The following KDM8 variants were observed in gnomAD, a reference collection of about 807,000 sequenced individuals.
The protein encoded by KDM8 is lysine demethylase 8.
Under a neutral mutation model 46.9 loss-of-function variants are expected in KDM8, and 35 were observed. The observed-to-expected ratio is 0.75, with a 90% confidence interval of 0.57 to 0.99. The LOEUF (loss-of-function observed/expected upper bound fraction) is 0.99, where lower values mean the gene tolerates loss of function less well. Ranked by LOEUF, KDM8 falls within the 50% of genes least tolerant of loss-of-function variation. The pLI is 0.00. For synonymous variants in KDM8, 232 were observed against 227.7 expected (o/e 1.02, Z -0.17); for missense variants, 475 against 537.0 (o/e 0.88, Z 1.14).
intron 2 of KDM8, chr16:27,211,303 C>A: frequency 2.4e-6 from 1 of 417,704 alleles, no homozygotes; most frequent in Non-Finnish European, 4.7e-6. Flanking sequence ...GAGGCGATAC[C>A]TCCAGCTGCT....
rs773588263 is a variant in KDM8 at position 27,215,984 on chromosome 16, G to A, written c.838G>A (p.Asp280Asn). The change falls in exon 5 of 8, where the codon GAC becomes AAC. Residue 280 changes from aspartate to asparagine, a missense_variant. Transcript: ENST00000286096. The stretch of plus-strand genomic sequence containing the variant: ...GTACCTTGCTCAGCACCAGCTCTTT[G>A]ACCAGGTAAGTCTGAGGCCACGCAC... Reference protein sequence around the residue: ...VGYLAQHQLFDQIPELKQDIS... With the variant: ...VGYLAQHQLFNQIPELKQDIS... 1 of 1,614,178 alleles carries A rather than the reference G, an allele frequency of 6.2e-7. No individual in the cohort carries two copies.
At chr16:27,206,473 T>C (rs921178757) in intron 1 of KDM8, among the ~76,000 whole-genome samples, 4 of 152,216 alleles carry the variant, frequency 2.6e-5, no homozygotes, top group African/African-American at 7.2e-5. Flanking sequence ...GTTTTCACCA[T>C]GTTGGCCAGG....
chr16:27,213,635 A>C lies in KDM8; in HGVS notation c.549A>C (p.Thr183=), dbSNP rs748164312. 3 of 1,614,196 alleles carry C rather than the reference A, an allele frequency of 1.9e-6. No individual in the cohort carries two copies. The East Asian group carries it at 6.7e-5, about 36-fold the overall frequency. ...GLIPDVKLEK[T]VPRLHRPSLQ... ...TTCCAGATGTGAAGTTAGAAAAAACAGTCCCCCGGCTGCACCGTCCGTCCC... is the reference window on the plus strand; with the variant it reads ...TTCCAGATGTGAAGTTAGAAAAAACCGTCCCCCGGCTGCACCGTCCGTCCC... The change falls in exon 3 of 8, where the codon ACA becomes ACC. Residue 183 remains threonine, a synonymous_variant. Coordinates refer to ENST00000286096, the MANE Select transcript of KDM8 (RefSeq NM_024773.3).
At chr16:27,205,013 G>A (rs1005435216) in intron 1 of KDM8, among the ~76,000 whole-genome samples, 3 of 152,128 alleles carry the variant, frequency 2.0e-5, no homozygotes, top group Non-Finnish European at 4.4e-5. Context: ...GTGACAGAGC[G>A]AGACTCCGTC....
chr16:27,213,473 G>T (rs1259226093), intron 2 of KDM8, 112 bp from the exon 3 acceptor site: 1 of 1,014,942 alleles, frequency 9.9e-7, no homozygotes. Context: ...TGTTGTTACT[G>T]GTACTCTTGA....
chr16:27,204,074 C>T, intron 1 of KDM8: 8 of 1,546,882 alleles, frequency 5.2e-6, no homozygotes, highest in Non-Finnish European at 6.1e-6. Context: ...GGAAACGATT[C>T]CGCCGTCAGG....
rs778687043 is a variant in KDM8 at position 27,220,470 on chromosome 16, C to G, written c.1071C>G (p.Leu357=). 3 of 1,614,112 alleles carry G rather than the reference C, an allele frequency of 1.9e-6. No homozygotes were observed. The highest frequency in any genetic ancestry group is 1.7e-5 in the Admixed American group (1 of 60,020). The change falls in exon 7 of 8, where the codon CTC becomes CTG. Residue 357 remains leucine (L), a synonymous_variant. Coordinates refer to ENST00000286096, the MANE Select transcript of KDM8 (RefSeq NM_024773.3). ...TGTACCCTCATGACACGCACCTTCT[C>G]CATAACACGAGCCAGGTGGGCACTG... ...GALYPHDTHL[L]HNTSQVDVEN...
intron 1 of KDM8, among the ~76,000 whole-genome samples, chr16:27,205,098 C>T (rs2083414976): frequency 6.6e-6 from 1 of 152,086 alleles, no homozygotes; most frequent in Non-Finnish European, 1.5e-5. Context: ...GGATATATCC[C>T]ATAACCTACC....
At chr16:27,212,503 G>T (rs2083496357) in intron 2 of KDM8, among the ~76,000 whole-genome samples, 1 of 152,214 alleles carries the variant, frequency 6.6e-6, no homozygotes, top group African/African-American at 2.4e-5. Flanking sequence ...GGAGGCTGAG[G>T]CCGGCAGATC....
intron 1 of KDM8, among the ~76,000 whole-genome samples, chr16:27,208,481 A>G (rs2083448084): frequency 6.6e-6 from 1 of 152,176 alleles, no homozygotes; most frequent in Non-Finnish European, 1.5e-5. Context: ...GCTGTTTTCT[A>G]AGGCCATCAA....
intron 5 of KDM8, among the ~76,000 whole-genome samples, chr16:27,217,603 A>C (rs1286766097): frequency 1.3e-5 from 2 of 152,214 alleles, no homozygotes; most frequent in African/African-American, 4.8e-5. Context: ...GATTTGAGAC[A>C]GGTTCTTAAA....
chr16:27,214,232 A>C (rs530542700), intron 3 of KDM8: 185 of 156,118 alleles, frequency 1.2e-3, no homozygotes, highest in Middle Eastern at 3.4e-3. Flanking sequence ...GTTTGGAAAT[A>C]AGGAGGCATC....
rs1013909928 is a variant in KDM8 at position 27,204,482 on chromosome 16, T to C, written c.-32+846T>C. On this transcript the variant is annotated intron_variant, in intron 1 of 7. Transcript: ENST00000286096. ...TTACGAAGCTCTTGTTTTTGCACAATTTTTGTGGAATACTGCCATAATAAC... is the reference window on the plus strand; with the variant it reads ...TTACGAAGCTCTTGTTTTTGCACAACTTTTGTGGAATACTGCCATAATAAC... The C allele has an allele frequency of 3.1e-5, 17 of 553,366 alleles. No individual in the cohort carries two copies. In the African/African-American group the frequency reaches 3.1e-4, roughly 10 times the overall value. 34.3% of individuals were successfully genotyped at this position (553,366 alleles called of 1,614,324 possible).
Position 27,218,453 on chromosome 16 carries a change from C to A in KDM8, c.844-508C>A, listed in dbSNP as rs565237041. On this transcript the variant is annotated intron_variant, in intron 5 of 7. Transcript: ENST00000286096. ...CTCAGAGCACAGACCCAGGCCCACA[C>A]CTGCCTTTCTCGTCAGGCAGTTTCT... Among the ~76,000 whole-genome samples the A allele has an allele frequency of 2.0e-5, 3 of 152,306 alleles. No homozygotes were observed. The South Asian group carries it at 6.2e-4, about 32-fold the overall frequency.
intron 1 of KDM8, 37 bp from the exon 2 acceptor site, chr16:27,210,056 C>A: frequency 6.4e-7 from 1 of 1,557,542 alleles, no homozygotes; most frequent in South Asian, 1.2e-5. Context: ...TCAGGTCTGT[C>A]CTGGTGTCTA....
At chr16:27,207,744 C>T (rs1484228048) in intron 1 of KDM8, among the ~76,000 whole-genome samples, 1 of 152,164 alleles carries the variant, frequency 6.6e-6, no homozygotes, top group Non-Finnish European at 1.5e-5. Flanking sequence ...CCATGACCAG[C>T]TAACTAATTT....
chr16:27,216,097 G>C lies in KDM8; in HGVS notation c.843+108G>C. ...AGTGAGCGTGAGTAGGAGGGAGGCAGCAGGTGAGGCTAGGAAGGTGACAGG... is the reference window on the plus strand; with the variant it reads ...AGTGAGCGTGAGTAGGAGGGAGGCACCAGGTGAGGCTAGGAAGGTGACAGG... On this transcript the variant is annotated intron_variant, in intron 5 of 7. Transcript: ENST00000286096. 3 of 1,207,664 alleles carry C rather than the reference G, an allele frequency of 2.5e-6. No homozygotes were observed. In the South Asian group the frequency reaches 3.7e-5, roughly 15 times the overall value. The allele number at this position is 1,207,664 out of a possible 1,614,324, so 74.8% of individuals were successfully genotyped here.
chr16:27,206,631 G>C (rs1448690858), intron 1 of KDM8, among the ~76,000 whole-genome samples: 2 of 152,178 alleles, frequency 1.3e-5, no homozygotes, highest in Non-Finnish European at 2.9e-5. Context: ...AATCAATAAA[G>C]CCAGGCCATA....
At chr16:27,205,326 T>C (rs2083417667) in intron 1 of KDM8, among the ~76,000 whole-genome samples, 1 of 152,258 alleles carries the variant, frequency 6.6e-6, no homozygotes, top group African/African-American at 2.4e-5. Flanking sequence ...GCCTATATTC[T>C]GACCTTCTTT....
Sources: allele counts gnomAD v4.1 joint callset (sites outside exome capture counted in the v4.1 genomes callset), GRCh38; gene constraint gnomAD v4.1.1; transcripts MANE v1.5; gene names NCBI Gene and HGNC (gene_info 2026-07-23, HGNC 2026-07-21).